CEP83: variants seen among roughly 807,000 people sequenced by gnomAD.
The protein encoded by CEP83 is centrosomal protein of 83 kDa.
In CEP83, 70 loss-of-function variants were observed where a neutral mutation model predicts 101.9. That is an observed-to-expected ratio of 0.69 (90% CI 0.57 to 0.84). The LOEUF (loss-of-function observed/expected upper bound fraction) is 0.84, where lower values mean the gene tolerates loss of function less well. Among genes scored for constraint, CEP83 ranks in the 40% least tolerant of loss-of-function variants. The pLI is 0.00. For missense variants in CEP83, 715 were observed against 787.2 expected, an observed-to-expected ratio of 0.91 and a Z score of 1.10; for synonymous variants, 264 against 267.9, an observed-to-expected ratio of 0.99 and a Z score of 0.14.
the CEP83 span, chr12:94,277,662 C>A: frequency 4.5e-4 from 143 of 318,024 alleles, 1 homozygote; most frequent in Admixed American, 1.1e-3. Context: ...GCAGCCTCCT[C>A]CTTATTCAGA....
At chr12:94,418,090 G>A (rs1566146436) in intron 2 of CEP83, among the ~76,000 whole-genome samples, 1 of 152,102 alleles carries the variant, frequency 6.6e-6, no homozygotes, top group Non-Finnish European at 1.5e-5. Context: ...GGCTAAGCCT[G>A]GTGGCTCATG....
chr12:94,371,964 G>A (rs1313061369), intron 8 of CEP83, among the ~76,000 whole-genome samples: 5 of 151,984 alleles, frequency 3.3e-5, no homozygotes, highest in African/African-American at 1.2e-4. Context: ...GCTGACATCA[G>A]TTTTGCATTT....
chr12:94,319,353 G>A (rs572343152), intron 14 of CEP83, among the ~76,000 whole-genome samples: 6 of 151,980 alleles, frequency 3.9e-5, no homozygotes, highest in African/African-American at 7.2e-5. Flanking sequence ...CGCAACTCCC[G>A]TATTAGTTAA....
At chr12:94,407,516 T>C (rs2063616150) in intron 4 of CEP83, among the ~76,000 whole-genome samples, 1 of 152,222 alleles carries the variant, frequency 6.6e-6, no homozygotes, top group Non-Finnish European at 1.5e-5. Flanking sequence ...AACAGTGCTT[T>C]AAATCCTGTA....
intron 2 of CEP83, among the ~76,000 whole-genome samples, chr12:94,416,798 G>C (rs950557136): frequency 3.0e-4 from 45 of 151,938 alleles, no homozygotes; most frequent in African/African-American, 1.0e-3. Flanking sequence ...CCCCCACCAA[G>C]AGTAACAAAG....
At chr12:94,360,886 A>C (rs1283784629) in intron 11 of CEP83, among the ~76,000 whole-genome samples, 1 of 152,214 alleles carries the variant, frequency 6.6e-6, no homozygotes, top group Admixed American at 6.5e-5. Context: ...AAAACACCAT[A>C]GTACTGGCAT....
At position 94,310,102 on chromosome 12, in the gene CEP83, T is replaced by C. The variant is rs1565886983; in HGVS notation, c.1817A>G (p.Asn606Ser). The C allele has an allele frequency of 1.3e-6, 2 of 1,528,214 alleles. No homozygotes were observed. Among genetic ancestry groups the C allele is most frequent in the South Asian group, 1.2e-5 (1 of 85,454 alleles). 94.7% of individuals were successfully genotyped at this position (1,528,214 alleles called of 1,614,324 possible). Residue 606 changes from asparagine (N) to serine (S), a missense_variant, in exon 16 of 17, where the codon AAT (asparagine) becomes AGT (serine). Asn to Ser is a conservative substitution (Grantham distance 46). Coordinates refer to ENST00000397809, the MANE Select transcript of CEP83 (RefSeq NM_016122.3). Reference protein sequence around the residue: ...ETENQVLNRQNVPFEDYTRLQ... With the variant: ...ETENQVLNRQSVPFEDYTRLQ... The stretch of plus-strand genomic sequence containing the variant: ...CCTTGTATAGTCTTCAAAAGGAACA[T>C]TTTGTCTTAAAAAGAAAAAGAAATG...
intron 1 of CEP83, among the ~76,000 whole-genome samples, chr12:94,455,733 T>G (rs1391598459): frequency 6.6e-6 from 1 of 152,212 alleles, no homozygotes; most frequent in Non-Finnish European, 1.5e-5. Flanking sequence ...TCTTCCATCC[T>G]GGATTATAGC....
intron 11 of CEP83, among the ~76,000 whole-genome samples, chr12:94,367,113 A>G (rs987867126): frequency 6.6e-6 from 1 of 152,142 alleles, no homozygotes; most frequent in Non-Finnish European, 1.5e-5. Context: ...CAAATGCTAG[A>G]GTTATAACTG....
At chr12:94,424,490 T>C (rs1593949156) in intron 2 of CEP83, 11 of 1,613,856 alleles carry the variant, frequency 6.8e-6, no homozygotes, top group African/African-American at 5.3e-5. Flanking sequence ...GGAGATAACC[T>C]GGCCAAAGGG....
intron 2 of CEP83, among the ~76,000 whole-genome samples, chr12:94,420,755 A>C (rs778976264): frequency 6.6e-6 from 1 of 152,192 alleles, no homozygotes; most frequent in Non-Finnish European, 1.5e-5. Flanking sequence ...TGTCCAGAAG[A>C]AGCCAAACAT....
chr12:94,453,769 CT>C (rs894350376), intron 1 of CEP83, among the ~76,000 whole-genome samples: 34 of 152,286 alleles, frequency 2.2e-4, no homozygotes, highest in African/African-American at 7.9e-4. Flanking sequence ...CCAGTCAAGC[CT>C]TGGTCTCCTG....
downstream of CEP83, chr12:94,305,098 C>T: frequency 1.3e-6 from 1 of 766,462 alleles, no homozygotes; most frequent in African/African-American, 1.8e-5. Flanking sequence ...CAGATTTTAC[C>T]ACTCACAGCA....
Position 94,364,121 on chromosome 12 carries a change from G to A in CEP83, c.1343+3673C>T, listed in dbSNP as rs1447619962. Reference sequence around the variant, plus strand: ...GTTTGGGAGGATGGGCTAAAGGGGAGTTATTGTTTAATGGGTACAGAGTTT... The same window carrying A: ...GTTTGGGAGGATGGGCTAAAGGGGAATTATTGTTTAATGGGTACAGAGTTT... On this transcript the variant is annotated intron_variant, in intron 11 of 16. Coordinates refer to ENST00000397809, the MANE Select transcript of CEP83 (RefSeq NM_016122.3). Among the ~76,000 whole-genome samples, 8 of 152,226 alleles carry A rather than the reference G, an allele frequency of 5.3e-5. No homozygotes were observed. In the East Asian group the frequency reaches 1.5e-3, roughly 29 times the overall value.
At chr12:94,396,208 T>C (rs1362433589) in intron 6 of CEP83, among the ~76,000 whole-genome samples, 1 of 151,708 alleles carries the variant, frequency 6.6e-6, no homozygotes. Flanking sequence ...TGACTATATA[T>C]GCAACTTCAG....
intron 6 of CEP83, among the ~76,000 whole-genome samples, chr12:94,383,107 A>G (rs532905413): frequency 1.3e-5 from 2 of 151,666 alleles, no homozygotes; most frequent in Non-Finnish European, 2.9e-5. Flanking sequence ...TCACTATATA[A>G]TCTCTTTCTA....
intron 1 of CEP83, among the ~76,000 whole-genome samples, chr12:94,438,625 A>T (rs1481893791): frequency 6.6e-6 from 1 of 152,236 alleles, no homozygotes; most frequent in Admixed American, 6.5e-5. Context: ...TAACAGCACT[A>T]GACAAGTCAT....
At chr12:94,425,277 G>A (rs1305415308) in intron 2 of CEP83, among the ~76,000 whole-genome samples, 1 of 152,110 alleles carries the variant, frequency 6.6e-6, no homozygotes, top group African/African-American at 2.4e-5. Flanking sequence ...TAAGTGCTTG[G>A]ACCAAGAAAT....
intron 4 of CEP83, among the ~76,000 whole-genome samples, chr12:94,409,705 C>T (rs950444052): frequency 2.4e-4 from 36 of 152,110 alleles, no homozygotes; most frequent in Admixed American, 2.3e-3. Context: ...AGTCTGAAAT[C>T]AAGGTGTGTT....
Sources: gnomAD v4.1 joint callset for allele counts (sites outside exome capture counted in the v4.1 genomes callset) on GRCh38, gnomAD v4.1.1 for gene constraint, MANE v1.5 for transcripts, NCBI Gene and HGNC (gene_info 2026-07-23, HGNC 2026-07-21) for gene names.